Variants in PCAT7 observed in about 807,000 individuals in gnomAD.
The protein encoded by PCAT7 is prostate cancer associated transcript 7.
At chr9:94,559,367 T>A (rs1212266461) in intron 2 of PCAT7, among the ~76,000 whole-genome samples, 1 of 152,246 alleles carries the variant, frequency 6.6e-6, no homozygotes, top group Non-Finnish European at 1.5e-5. Flanking sequence ...CTGAGCCATG[T>A]ATCTACCCAT....
chr9:94,572,250 T>A (rs1827277472), intron 2 of PCAT7, among the ~76,000 whole-genome samples: 1 of 152,098 alleles, frequency 6.6e-6, no homozygotes, highest in African/African-American at 2.4e-5. Context: ...GCAAAATGAT[T>A]CTTCCTCACC....
intron 2 of PCAT7, among the ~76,000 whole-genome samples, chr9:94,560,778 T>C (rs1316453291): frequency 6.7e-6 from 1 of 148,338 alleles, no homozygotes; most frequent in African/African-American, 2.4e-5. Context: ...ATTATATATT[T>C]TTTCTATTGT....
chr9:94,558,771 C>T lies in PCAT7; in HGVS notation n.258-198C>T, dbSNP rs1245300609. The T allele has an allele frequency of 9.4e-6, 6 of 636,040 alleles. No homozygotes were observed. In the Admixed American group the frequency reaches 1.7e-4, roughly 19 times the overall value. 39.4% of individuals were successfully genotyped at this position (636,040 alleles called of 1,614,324 possible). A position where few individuals can be genotyped will look rare whatever the true frequency, so the allele number is the denominator to read the frequency against. ...GTCCTTCACATTGACCATAGAATCGCCTGTGGCTTCCAAACCTGTCGTAAG... is the reference window on the plus strand; with the variant it reads ...GTCCTTCACATTGACCATAGAATCGTCTGTGGCTTCCAAACCTGTCGTAAG... On this transcript the variant is annotated intron_variant and non_coding_transcript_variant, in intron 1 of 8. Coordinates refer to ENST00000647389, the Ensembl canonical transcript of PCAT7.
chr9:94,557,619 G>T (rs1255782134), intron 1 of PCAT7, among the ~76,000 whole-genome samples: 1 of 152,214 alleles, frequency 6.6e-6, no homozygotes, highest in Non-Finnish European at 1.5e-5. Flanking sequence ...GGAAAGGAGA[G>T]CCTTGCTTCC....
At chr9:94,557,499 G>C (rs1251703974) in intron 1 of PCAT7, among the ~76,000 whole-genome samples, 1 of 152,196 alleles carries the variant, frequency 6.6e-6, no homozygotes, top group Non-Finnish European at 1.5e-5. Context: ...TGCTGTGTCT[G>C]CTAAAGTTGC....
rs547296641 is a variant in PCAT7 at position 94,572,699 on chromosome 9, T to TCA, written n.442-267_442-266dup. Among the ~76,000 whole-genome samples, 373 of 151,542 alleles carry TCA rather than the reference T, an allele frequency of 2.5e-3. 1 individual carries two copies. Among genetic ancestry groups the TCA allele is most frequent in the African/African-American group, 7.6e-3 (314 of 41,262 alleles). On this transcript the variant is annotated intron_variant and non_coding_transcript_variant, in intron 2 of 8. Coordinates refer to ENST00000647389, the Ensembl canonical transcript of PCAT7. ...CCAGTCCACAGATATTGCATTTAAT[T>TCA]CACACACACACACAACACACACATG...
intron 2 of PCAT7, among the ~76,000 whole-genome samples, chr9:94,564,169 GA>G (rs901189942): frequency 1.2e-4 from 18 of 152,252 alleles, no homozygotes; most frequent in Middle Eastern, 3.4e-3. Context: ...CCCAAAACCA[GA>G]AAAATATACA....
chr9:94,567,433 G>A, intron 2 of PCAT7: 1 of 1,594,456 alleles, frequency 6.3e-7, no homozygotes, highest in Non-Finnish European at 8.5e-7. Flanking sequence ...GAGATGCCAG[G>A]AAGAAGAGAG....
chr9:94,559,492 C>T (rs371465632), intron 2 of PCAT7, among the ~76,000 whole-genome samples: 3 of 151,028 alleles, frequency 2.0e-5, no homozygotes, highest in African/African-American at 7.4e-5. Context: ...TTGGTGGAAG[C>T]CTTTATATGT....
chr9:94,555,817 CAAG>C (rs954501184), intron 1 of PCAT7, among the ~76,000 whole-genome samples: 25 of 149,776 alleles, frequency 1.7e-4, no homozygotes, highest in Admixed American at 4.0e-4. Flanking sequence ...AAGAGGGTGA[CAAG>C]GAGGAGGAGA....
At chr9:94,558,387 C>T (rs1827039091) in intron 1 of PCAT7, among the ~76,000 whole-genome samples, 2 of 152,140 alleles carry the variant, frequency 1.3e-5, no homozygotes, top group South Asian at 2.1e-4. Context: ...CTCTGCCTCC[C>T]GGGTTCACGC....
intron 2 of PCAT7, chr9:94,567,255 G>C (rs751644073): frequency 6.2e-7 from 1 of 1,613,800 alleles, no homozygotes; most frequent in Non-Finnish European, 8.5e-7. Context: ...CACCCACCTG[G>C]CTTTCTTCAC....
chr9:94,570,844 T>C (rs1827261655), intron 2 of PCAT7: 1 of 150,094 alleles, frequency 6.7e-6, no homozygotes, highest in Non-Finnish European at 1.5e-5. Context: ...AGGGCTGTCA[T>C]GTGTGTTTGA....
intron 2 of PCAT7, among the ~76,000 whole-genome samples, chr9:94,571,830 G>C (rs547750362): frequency 5.7e-4 from 87 of 152,268 alleles, no homozygotes; most frequent in African/African-American, 2.0e-3. Context: ...TTTTCCAAAC[G>C]CATGTGTCTG....
intron 2 of PCAT7, among the ~76,000 whole-genome samples, chr9:94,561,392 T>C: frequency 8.5e-6 from 1 of 117,564 alleles, no homozygotes; most frequent in African/African-American, 3.2e-5. Context: ...AGATGGAATC[T>C]CACTCTGTCA....
At chr9:94,570,802 C>CCA (rs1827260443) in intron 2 of PCAT7, 1 of 152,206 alleles carries the variant, frequency 6.6e-6, no homozygotes, top group Non-Finnish European at 1.5e-5. Context: ...ACCCCTCTCT[C>CCA]CACACATGTG....
chr9:94,556,688 T>C (rs550348762), intron 1 of PCAT7, among the ~76,000 whole-genome samples: 1 of 152,332 alleles, frequency 6.6e-6, no homozygotes, highest in Non-Finnish European at 1.5e-5. Context: ...GGAAAAGGCT[T>C]TAAGTTTAAC....
At chr9:94,572,469 G>A (rs550149750) in intron 2 of PCAT7, among the ~76,000 whole-genome samples, 10 of 152,172 alleles carry the variant, frequency 6.6e-5, no homozygotes, top group Middle Eastern at 3.2e-3. Flanking sequence ...TTGTAAACCC[G>A]AATGTTCTTG....
intron 1 of PCAT7, among the ~76,000 whole-genome samples, chr9:94,556,787 T>C (rs1321655123): frequency 6.6e-6 from 1 of 152,242 alleles, no homozygotes; most frequent in Non-Finnish European, 1.5e-5. Context: ...CATTTTATCC[T>C]ATGTTTTCTT....
Sources: allele counts gnomAD v4.1 joint callset (sites outside exome capture counted in the v4.1 genomes callset), GRCh38; gene constraint gnomAD v4.1.1; transcripts MANE v1.5; gene names NCBI Gene and HGNC (gene_info 2026-07-23, HGNC 2026-07-21).